PDE5A: variants seen among roughly 807,000 people sequenced by gnomAD.
PDE5A encodes phosphodiesterase 5A.
In PDE5A, 67 loss-of-function variants were observed where a neutral mutation model predicts 110.2. That is an observed-to-expected ratio of 0.61 (90% CI 0.50 to 0.75). PDE5A has a LOEUF of 0.75. Among genes scored for constraint, PDE5A ranks in the 30% least tolerant of loss-of-function variants. The pLI is 0.00. For synonymous variants in PDE5A, 328 were observed against 351.2 expected (o/e 0.93, Z 0.74); for missense variants, 862 against 1,045.1 (o/e 0.82, Z 2.42).
At chr4:119,587,840 C>A (rs1447812396) in intron 3 of PDE5A, among the ~76,000 whole-genome samples, 1 of 152,182 alleles carries the variant, frequency 6.6e-6, no homozygotes. Context: ...AAAACTGTAA[C>A]ATTTATTTCC....
At chr4:119,531,051 A>C (rs1482320267) in intron 11 of PDE5A, among the ~76,000 whole-genome samples, 1 of 152,178 alleles carries the variant, frequency 6.6e-6, no homozygotes, top group Non-Finnish European at 1.5e-5. Flanking sequence ...AAAACCCAGG[A>C]TGAGAAAGCA....
intron 3 of PDE5A, among the ~76,000 whole-genome samples, chr4:119,578,704 C>T (rs1374891190): frequency 4.6e-5 from 7 of 152,194 alleles, no homozygotes; most frequent in Admixed American, 1.3e-4. Context: ...AGATTAAAGA[C>T]TTACATGTTA....
chr4:119,505,710 G>A (rs896525830), intron 17 of PDE5A, 145 bp downstream of exon 17: 1 of 568,714 alleles, frequency 1.8e-6, no homozygotes, highest in Non-Finnish European at 3.1e-6. Flanking sequence ...TTTACTCTTT[G>A]TACAACCCTC....
chr4:119,585,702 T>A (rs1728736102), intron 3 of PDE5A, among the ~76,000 whole-genome samples: 1 of 152,262 alleles, frequency 6.6e-6, no homozygotes, highest in Non-Finnish European at 1.5e-5. Flanking sequence ...TTTCAAGAGC[T>A]GGAGCCTAAT....
Position 119,627,106 on chromosome 4 carries a change from C to A in PDE5A, c.152+1414G>T, listed in dbSNP as rs370648141. The A allele has an allele frequency of 4.4e-6, 7 of 1,606,758 alleles. No homozygotes were observed. Among genetic ancestry groups the A allele is most frequent in the South Asian group, 1.1e-5 (1 of 90,070 alleles). On this transcript the variant is annotated intron_variant, in intron 1 of 20. Coordinates refer to ENST00000354960, the MANE Select transcript of PDE5A (RefSeq NM_001083.4). This position sits in a 1 kb window ranked among gnomAD's most constrained non-coding sequence, Gnocchi z 4.6. ...CAGCACCCGAGACCCGCCGCGCCCC[C>A]GGAAAAAGTGGGAAGGGACGTAGGG...
chr4:119,547,881 ATAATT>A (rs1421740111), intron 9 of PDE5A, among the ~76,000 whole-genome samples: 1 of 152,032 alleles, frequency 6.6e-6, no homozygotes, highest in Admixed American at 6.6e-5. Context: ...ATATTTTAGA[ATAATT>A]TATATTTTTA....
rs1725009389 is a variant in PDE5A at position 119,495,010 on chromosome 4, A to G, written c.*3591T>C. The stretch of plus-strand genomic sequence containing the variant: ...CTAGCACATGGAAAAAATAAACTAT[A>G]TACAAGAATACAAAACTCCTAAAGT... On this transcript the variant is annotated 3_prime_UTR_variant, in exon 21 of 21. Coordinates refer to ENST00000354960, the MANE Select transcript of PDE5A (RefSeq NM_001083.4). 2 of 152,578 alleles carry G rather than the reference A, an allele frequency of 1.3e-5. No homozygotes were observed. Among genetic ancestry groups the G allele is most frequent in the African/African-American group, 2.4e-5 (1 of 41,454 alleles). 9.5% of individuals were successfully genotyped at this position (152,578 alleles called of 1,614,324 possible).
intron 15 of PDE5A, 116 bp downstream of exon 15, chr4:119,510,931 A>T: frequency 1.5e-6 from 1 of 668,764 alleles, no homozygotes; most frequent in Non-Finnish European, 2.5e-6. Flanking sequence ...TTACCCAAAA[A>T]GGAATAAAGT....
chr4:119,543,566 C>G (rs1236706927), intron 9 of PDE5A, among the ~76,000 whole-genome samples: 3 of 152,162 alleles, frequency 2.0e-5, no homozygotes, highest in Non-Finnish European at 4.4e-5. Flanking sequence ...GATGAGGAAA[C>G]TGAATCTCAG....
chr4:119,568,313 AT>A (rs1728019163), intron 3 of PDE5A, among the ~76,000 whole-genome samples: 1 of 152,148 alleles, frequency 6.6e-6, no homozygotes, highest in South Asian at 2.1e-4. Context: ...CAGTGACTAA[AT>A]TTCTAGTAAA....
intron 15 of PDE5A, among the ~76,000 whole-genome samples, chr4:119,508,776 G>A (rs534155549): frequency 1.6e-3 from 242 of 151,910 alleles, no homozygotes; most frequent in Middle Eastern, 0.014. Context: ...AATGTCTTTT[G>A]GTGCTATATT....
Position 119,562,889 on chromosome 4 carries a change from T to C in PDE5A, c.1075A>G (p.Ile359Val), listed in dbSNP as rs1416332603. The C allele has an allele frequency of 6.3e-7, 1 of 1,599,228 alleles. No homozygotes were observed. ...VILKKIAATI[I>V]SFMQVQKCTI... ...CATTTCTGCACTTGCATGAAAGAGA[T>C]AATAGTGGCAGCTATTTTCTTCAAA... Residue 359 changes from isoleucine to valine, a missense_variant, in exon 6 of 21, where the codon ATC becomes GTC. Physicochemically the swap from Ile to Val is conservative, Grantham distance 29. Coordinates refer to ENST00000354960, the MANE Select transcript of PDE5A (RefSeq NM_001083.4).
chr4:119,533,132 A>G (rs1726605255), intron 11 of PDE5A, among the ~76,000 whole-genome samples: 2 of 152,178 alleles, frequency 1.3e-5, no homozygotes, highest in African/African-American at 4.8e-5. Flanking sequence ...TATTTATTCA[A>G]TATAAATGGT....
Position 119,562,816 on chromosome 4 carries a change from T to G in PDE5A, c.1131+17A>C. 2.7e-6 allele frequency: 4 copies of G among 1,509,388 alleles called. No homozygotes were observed. Among genetic ancestry groups the G allele is most frequent in the Non-Finnish European group, 3.5e-6 (4 of 1,132,036 alleles). The allele number at this position is 1,509,388 out of a possible 1,614,324, so 93.5% of individuals were successfully genotyped here. On this transcript the variant is annotated intron_variant, in intron 6 of 20. Transcript: ENST00000354960. ...TTCTGTCTTTCTAAAAATAAAAAAG[T>G]CATACTCTGTACTCACGGAGCAATC...
Position 119,587,911 on chromosome 4 carries a change from T to C in PDE5A, c.831+8612A>G, listed in dbSNP as rs748331866. ...TCAGTACTGTGAGTGTGAGAGATCA[T>C]AGACAAGGACTCCTTGGCCTCCACA... On this transcript the variant is annotated intron_variant, in intron 3 of 20. Transcript: ENST00000354960. Among the ~76,000 whole-genome samples the C allele has an allele frequency of 1.2e-4, 18 of 152,218 alleles. 1 individual carries two copies. Among genetic ancestry groups the C allele is most frequent in the Non-Finnish European group, 2.2e-4 (15 of 68,040 alleles).
intron 11 of PDE5A, among the ~76,000 whole-genome samples, chr4:119,534,156 C>T (rs6534140): frequency 0.26 from 39,939 of 152,036 alleles, 5,375 homozygotes; most frequent in East Asian, 0.38. Context: ...ATGTCTCAAT[C>T]GATGGTGTAC....
intron 3 of PDE5A, among the ~76,000 whole-genome samples, chr4:119,573,128 A>T (rs1250457566): frequency 6.6e-6 from 1 of 152,204 alleles, no homozygotes; most frequent in East Asian, 1.9e-4. Context: ...ATTGCATTCC[A>T]TATCAAACTG....
At chr4:119,555,095 G>A (rs919392823) in intron 7 of PDE5A, among the ~76,000 whole-genome samples, 1 of 152,126 alleles carries the variant, frequency 6.6e-6, no homozygotes, top group East Asian at 1.9e-4. Flanking sequence ...GTCCTTCAGC[G>A]CTAGTGATTC....
At chr4:119,539,161 T>G in intron 10 of PDE5A, 142 bp from the exon 11 acceptor site, 1 of 691,144 alleles carries the variant, frequency 1.4e-6, no homozygotes, top group Middle Eastern at 2.6e-4. Context: ...TGCTGTTTTC[T>G]TCAACAGTGA....
Sources: gnomAD v4.1 joint callset for allele counts (sites outside exome capture counted in the v4.1 genomes callset) on GRCh38, gnomAD v4.1.1 for gene constraint, Gnocchi (gnomAD v3.1) non-coding constraint, MANE v1.5 for transcripts, NCBI Gene and HGNC (gene_info 2026-07-23, HGNC 2026-07-21) for gene names.